MBTD1: variants seen among roughly 807,000 people sequenced by gnomAD.
MBTD1 encodes the protein MBT domain-containing protein 1.
Under a neutral mutation model 87.8 loss-of-function variants are expected in MBTD1, and 24 were observed. That is an observed-to-expected ratio of 0.27 (90% confidence interval 0.20 to 0.38). The LOEUF (loss-of-function observed/expected upper bound fraction) is 0.38, where lower values mean the gene tolerates loss of function less well. Ranked by LOEUF, MBTD1 falls within the 10% of genes least tolerant of loss-of-function variation. MBTD1 has a pLI of 1.00. For missense variants in MBTD1, 436 were observed against 760.2 expected, an observed-to-expected ratio of 0.57 and a Z score of 5.02; for synonymous variants, 237 against 248.6, an observed-to-expected ratio of 0.95 and a Z score of 0.44.
rs1229916434 is a variant in MBTD1 at position 51,202,482 on chromosome 17, C to T, written c.1063+219G>A. Among the ~76,000 whole-genome samples, 3 of 152,054 alleles carry T rather than the reference C, an allele frequency of 2.0e-5. No individual in the cohort carries two copies. In the South Asian group the frequency reaches 6.2e-4, roughly 32 times the overall value. ...AGAAAGAAACAATTATAGTTGTGAC[C>T]AGAAGAAGTTCCTTCTTTTGGAGAA... On this transcript the variant is annotated intron_variant, in intron 10 of 16. Transcript: ENST00000586178.
At chr17:51,198,327 A>G (rs896385136) in intron 12 of MBTD1, among the ~76,000 whole-genome samples, 1 of 152,250 alleles carries the variant, frequency 6.6e-6, no homozygotes, top group Non-Finnish European at 1.5e-5. Context: ...TATCCTGTCT[A>G]CTAAAGAACT....
At chr17:51,206,089 A>T (rs2051813917) in intron 7 of MBTD1, among the ~76,000 whole-genome samples, 1 of 152,162 alleles carries the variant, frequency 6.6e-6, no homozygotes, top group African/African-American at 2.4e-5. Context: ...TACAAGTCTT[A>T]TACTTCTGGA....
intron 2 of MBTD1, chr17:51,250,106 T>G (rs966278436): frequency 6.6e-6 from 1 of 151,162 alleles, no homozygotes; most frequent in Admixed American, 6.6e-5. Flanking sequence ...GGTCTCACTA[T>G]GTTGCCCAGG....
At chr17:51,190,023 T>A (rs1369625577) in intron 16 of MBTD1, among the ~76,000 whole-genome samples, 1 of 152,192 alleles carries the variant, frequency 6.6e-6, no homozygotes, top group Non-Finnish European at 1.5e-5. Flanking sequence ...GTGGCTGACA[T>A]GGGTTTTGTG....
At chr17:51,242,584 T>C (rs1281596279) in intron 2 of MBTD1, among the ~76,000 whole-genome samples, 1 of 152,204 alleles carries the variant, frequency 6.6e-6, no homozygotes, top group Non-Finnish European at 1.5e-5. Context: ...TTTAGTCTCC[T>C]CCATCATCCT....
In MBTD1 at chr17:51,193,002, G is replaced by T. The variant is rs139861834; in HGVS notation, c.1470C>A (p.His490Gln). 1 of 1,609,862 alleles carries T rather than the reference G, an allele frequency of 6.2e-7. No individual in the cohort carries two copies. The highest frequency in any genetic ancestry group is 2.2e-5 in the East Asian group (1 of 44,698). The change falls in exon 15 of 17, where the codon CAC becomes CAA. Residue 490 changes from histidine (H) to glutamine (Q), a missense_variant. This residue lies in a region of MBTD1 where 80 missense variants were observed against 182.2 expected (regional missense o/e 0.44). Coordinates refer to ENST00000586178, the MANE Select transcript of MBTD1 (RefSeq NM_017643.3). The stretch of plus-strand genomic sequence containing the variant: ...CTAATTTCATTCCTACACGAAATCC[G>T]TGATTTGGAACATCCTGACACAGAG... ...VKLFNKDVPN[H>Q]GFRVGMKLEA... is the part of the protein sequence containing the mutation.
chr17:51,180,540 A>C lies in MBTD1; in HGVS notation c.*36T>G. On this transcript the variant is annotated 3_prime_UTR_variant, in exon 17 of 17. Transcript: ENST00000586178. The stretch of plus-strand genomic sequence containing the variant: ...TTGATTATAAATCAGTCCTGTGTAA[A>C]ATCCTTCCCCACCCGCCCTCAGTTT... 8.8e-7 allele frequency: 1 copy of C among 1,130,494 alleles called. No homozygotes were observed. Among genetic ancestry groups the C allele is most frequent in the Non-Finnish European group, 1.3e-6 (1 of 768,640 alleles). The allele number at this position is 1,130,494 out of a possible 1,614,324, so 70.0% of individuals were successfully genotyped here.
At chr17:51,196,964 C>G (rs2051143960) in intron 12 of MBTD1, among the ~76,000 whole-genome samples, 1 of 149,024 alleles carries the variant, frequency 6.7e-6, no homozygotes, top group Non-Finnish European at 1.5e-5. Context: ...TCTATTCACC[C>G]AGACACTCAA....
chr17:51,251,531 G>C (rs902452402), intron 2 of MBTD1: 1 of 152,102 alleles, frequency 6.6e-6, no homozygotes, highest in Non-Finnish European at 1.5e-5. Flanking sequence ...CTCTTTCTGA[G>C]AGTGGATCTT....
intron 13 of MBTD1, among the ~76,000 whole-genome samples, chr17:51,194,181 G>A (rs1239113638): frequency 6.6e-6 from 1 of 152,142 alleles, no homozygotes; most frequent in Non-Finnish European, 1.5e-5. Flanking sequence ...CTCTGTTATA[G>A]CTTTCCTCCT....
At chr17:51,249,189 G>A (rs2054628292) in intron 2 of MBTD1, among the ~76,000 whole-genome samples, 1 of 152,178 alleles carries the variant, frequency 6.6e-6, no homozygotes, top group South Asian at 2.1e-4. Context: ...GAGGCAGGGA[G>A]GTCAAGGCTG....
intron 2 of MBTD1, among the ~76,000 whole-genome samples, chr17:51,243,006 T>C (rs1327776901): frequency 2.0e-5 from 3 of 152,218 alleles, no homozygotes; most frequent in African/African-American, 7.2e-5. Flanking sequence ...TTTCAATGTT[T>C]TGCAATTACA....
At chr17:51,212,895 T>C (rs1468584532) in intron 6 of MBTD1, among the ~76,000 whole-genome samples, 1 of 152,076 alleles carries the variant, frequency 6.6e-6, no homozygotes, top group Admixed American at 6.5e-5. Flanking sequence ...TCTAGCTAAT[T>C]TTTTTTCTAT....
intron 2 of MBTD1, among the ~76,000 whole-genome samples, chr17:51,246,971 T>C (rs1453812156): frequency 2.6e-5 from 4 of 152,276 alleles, no homozygotes; most frequent in East Asian, 1.9e-4. Context: ...TATTGACTCA[T>C]ATTTCCAGTA....
At chr17:51,231,139 T>C (rs899415371) in intron 2 of MBTD1, among the ~76,000 whole-genome samples, 1 of 152,160 alleles carries the variant, frequency 6.6e-6, no homozygotes, top group Admixed American at 6.5e-5. Flanking sequence ...GGTTTCGCCA[T>C]GTTGGTCAGG....
chr17:51,208,087 T>G (rs998536011), intron 6 of MBTD1, among the ~76,000 whole-genome samples: 5 of 152,228 alleles, frequency 3.3e-5, no homozygotes, highest in African/African-American at 1.2e-4. Flanking sequence ...ATGTCCTCCA[T>G]GCAAGGCCCC....
At chr17:51,240,042 T>A (rs1394508589) in intron 2 of MBTD1, among the ~76,000 whole-genome samples, 1 of 152,210 alleles carries the variant, frequency 6.6e-6, no homozygotes, top group African/African-American at 2.4e-5. Context: ...AGACCTTATC[T>A]TTTTTTATAT....
intron 2 of MBTD1, among the ~76,000 whole-genome samples, chr17:51,239,806 C>A (rs561954989): frequency 6.6e-6 from 1 of 152,298 alleles, no homozygotes; most frequent in African/African-American, 2.4e-5. Context: ...ATTGCCTTAT[C>A]CTTCAATGTG....
chr17:51,259,903 C>A lies in MBTD1; in HGVS notation c.-181G>T. On this transcript the variant is annotated 5_prime_UTR_variant, in exon 1 of 17. Coordinates refer to ENST00000586178, the MANE Select transcript of MBTD1 (RefSeq NM_017643.3). ...GTCCGTGCTCCCCGAGCCCGCGGCGCCCCCTCCCCGGGCTGGGGGCAGGTG... is the reference window on the plus strand; with the variant it reads ...GTCCGTGCTCCCCGAGCCCGCGGCGACCCCTCCCCGGGCTGGGGGCAGGTG... 2.4e-6 allele frequency: 3 copies of A among 1,231,538 alleles called. No homozygotes were observed. Among genetic ancestry groups the A allele is most frequent in the Non-Finnish European group, 3.0e-6 (3 of 987,480 alleles). The allele number at this position is 1,231,538 out of a possible 1,614,324, so 76.3% of individuals were successfully genotyped here.
Sources: allele counts gnomAD v4.1 joint callset (sites outside exome capture counted in the v4.1 genomes callset), GRCh38; gene constraint gnomAD v4.1.1; regional missense constraint gnomAD v4.1.1; transcripts MANE v1.5; gene names NCBI Gene and HGNC (gene_info 2026-07-23, HGNC 2026-07-21).